GABRG3: variants seen among roughly 807,000 people sequenced by gnomAD.
The protein encoded by GABRG3 is gamma-aminobutyric acid receptor subunit gamma-3.
GABRG3 carries 25 observed loss-of-function variants against 48.8 expected under a neutral mutation model. The observed-to-expected ratio is 0.51, with a 90% CI of 0.37 to 0.72. The LOEUF is 0.72. Among genes scored for constraint, GABRG3 ranks in the 30% least tolerant of loss-of-function variants. The pLI is 0.00. For synonymous variants in GABRG3, 227 were observed against 217.6 expected (o/e 1.04, Z -0.38); for missense variants, 394 against 577.9 (o/e 0.68, Z 3.26).
At chr15:27,310,907 T>C (rs896717722) in intron 3 of GABRG3, among the ~76,000 whole-genome samples, 15 of 152,276 alleles carry the variant, frequency 9.9e-5, no homozygotes, top group African/African-American at 2.9e-4. Flanking sequence ...TTGGAGTAAT[T>C]GGATGCTCTT....
rs143152667 is a variant in GABRG3, at chr15:27,515,484, C to T, written c.713-4488C>T. ...GAAGAATAAGATGGAGAACATTAGGCTTTTTGGCTGAGCATTGCTTGCTAA... is the reference window on the plus strand; with the variant it reads ...GAAGAATAAGATGGAGAACATTAGGTTTTTTGGCTGAGCATTGCTTGCTAA... On this transcript the variant is annotated intron_variant, in intron 6 of 9. Coordinates refer to ENST00000615808, the MANE Select transcript of GABRG3 (RefSeq NM_033223.5). Among the ~76,000 whole-genome samples the T allele has an allele frequency of 1.3e-4, 20 of 152,242 alleles. No homozygotes were observed. The East Asian group carries it at 3.9e-3, about 29-fold the overall frequency.
intron 5 of GABRG3, chr15:27,362,759 C>T (rs1439230902): frequency 6.6e-6 from 1 of 152,144 alleles, no homozygotes; most frequent in African/African-American, 2.4e-5. Context: ...TTAAGTTATT[C>T]TCATGGCTTC....
chr15:27,376,225 G>A (rs1895590432), intron 5 of GABRG3, among the ~76,000 whole-genome samples: 1 of 152,236 alleles, frequency 6.6e-6, no homozygotes, highest in Non-Finnish European at 1.5e-5. Flanking sequence ...CATGGCTTGG[G>A]TGGTTCTGCC....
chr15:27,239,705 G>T (rs1388487288), intron 3 of GABRG3, among the ~76,000 whole-genome samples: 1 of 152,098 alleles, frequency 6.6e-6, no homozygotes, highest in Non-Finnish European at 1.5e-5. Context: ...ATGTATTTAG[G>T]TCTAAAGGAT....
rs1002520753 is a variant in GABRG3, at chr15:27,532,697, A to T, written c.1220A>T (p.Glu407Val). Residue 407 changes from glutamate (E) to valine (V), a missense_variant, in exon 10 of 10, where the codon GAG becomes GTG. This residue lies in a region of GABRG3 where 126 missense variants were observed against 155.5 expected (regional missense o/e 0.81). Coordinates refer to ENST00000615808, the MANE Select transcript of GABRG3 (RefSeq NM_033223.5). ...WQEFEDTCVY[E>V]CLDGKDCQSF... ...GAATTTGAAGATACCTGTGTCTATG[A>T]GTGTCTGGATGGCAAAGACTGTCAG... 2.5e-6 allele frequency: 4 copies of T among 1,613,978 alleles called. No homozygotes were observed. The Admixed American group carries it at 5.0e-5, about 20-fold the overall frequency.
chr15:27,075,264 C>T (rs1285237278), intron 3 of GABRG3, among the ~76,000 whole-genome samples: 1 of 152,096 alleles, frequency 6.6e-6, no homozygotes, highest in Non-Finnish European at 1.5e-5. Flanking sequence ...TAGGTTTATG[C>T]TAATTTTAAG....
intron 3 of GABRG3, among the ~76,000 whole-genome samples, chr15:27,125,270 A>G (rs751582861): frequency 1.3e-5 from 2 of 152,140 alleles, no homozygotes; most frequent in Admixed American, 6.5e-5. Context: ...GCATGGTCTC[A>G]CTTATATGTG....
chr15:27,297,756 A>C (rs1479135836), intron 3 of GABRG3, among the ~76,000 whole-genome samples: 7 of 152,178 alleles, frequency 4.6e-5, no homozygotes, highest in Admixed American at 4.6e-4. Flanking sequence ...TTAAAAACAT[A>C]GATTATATAA....
At chr15:27,190,354 C>T (rs1420304801) in intron 3 of GABRG3, among the ~76,000 whole-genome samples, 1 of 152,146 alleles carries the variant, frequency 6.6e-6, no homozygotes, top group East Asian at 1.9e-4. Flanking sequence ...TCCATCTGGT[C>T]CTGGACTCTT....
intron 6 of GABRG3, among the ~76,000 whole-genome samples, chr15:27,503,527 T>C (rs1171081917): frequency 1.3e-5 from 2 of 152,168 alleles, no homozygotes; most frequent in Admixed American, 6.5e-5. Flanking sequence ...TTCCCTTTTT[T>C]TCACTCAGCA....
intron 3 of GABRG3, among the ~76,000 whole-genome samples, chr15:27,057,821 A>G (rs1460549911): frequency 1.3e-5 from 2 of 152,214 alleles, no homozygotes; most frequent in African/African-American, 4.8e-5. Flanking sequence ...TACTTGCCTC[A>G]AAGAAGTCCC....
Position 27,535,924 on chromosome 15 carries a change from G to A in GABRG3, c.*3043G>A, listed in dbSNP as rs1331436076. 6.6e-6 allele frequency: 1 copy of A among 152,286 alleles called. No homozygotes were observed. Among genetic ancestry groups the A allele is most frequent in the African/African-American group, 2.4e-5 (1 of 41,468 alleles). The allele number at this position is 152,286 out of a possible 1,614,324, so 9.4% of individuals were successfully genotyped here. A position where few individuals can be genotyped will look rare whatever the true frequency, so the allele number is the denominator to read the frequency against. ...GATCAGGAGGGACGTGTGTGGGCAC[G>A]AGGTGCAAGGCTGTTCCACACAGCT... On this transcript the variant is annotated 3_prime_UTR_variant, in exon 10 of 10. Transcript: ENST00000615808.
chr15:27,132,386 G>A (rs1374875417), intron 3 of GABRG3, among the ~76,000 whole-genome samples: 1 of 148,264 alleles, frequency 6.7e-6, no homozygotes, highest in Non-Finnish European at 1.5e-5. Flanking sequence ...TTATTGAAGA[G>A]AATTCTCCTG....
chr15:27,439,205 T>C (rs1233006043), intron 5 of GABRG3, among the ~76,000 whole-genome samples: 2 of 152,254 alleles, frequency 1.3e-5, no homozygotes, highest in East Asian at 3.9e-4. Flanking sequence ...ATCATGGTAA[T>C]CACAATACTC....
intron 3 of GABRG3, among the ~76,000 whole-genome samples, chr15:27,098,919 A>G (rs1173910554): frequency 6.6e-6 from 1 of 152,128 alleles, no homozygotes; most frequent in Non-Finnish European, 1.5e-5. Context: ...CAGCACAGGA[A>G]AAGAAGAAGG....
intron 3 of GABRG3, among the ~76,000 whole-genome samples, chr15:27,034,754 T>C (rs967804595): frequency 2.0e-5 from 3 of 152,230 alleles, no homozygotes; most frequent in African/African-American, 7.2e-5. Flanking sequence ...GAGGCCCTTG[T>C]AAATATGTGT....
intron 5 of GABRG3, among the ~76,000 whole-genome samples, chr15:27,356,503 C>T (rs1049273578): frequency 3.9e-5 from 6 of 152,126 alleles, no homozygotes; most frequent in Non-Finnish European, 7.4e-5. Context: ...ATCTTTTCCC[C>T]AACATCTACA....
intron 3 of GABRG3, among the ~76,000 whole-genome samples, chr15:27,060,680 A>T (rs1896629650): frequency 6.6e-6 from 1 of 152,226 alleles, no homozygotes; most frequent in South Asian, 2.1e-4. Flanking sequence ...AGCAGGAGTC[A>T]CGTCTAAGTG....
chr15:27,537,735 C>G lies in GABRG3; in HGVS notation c.*4854C>G, dbSNP rs1293674860. The G allele has an allele frequency of 2.0e-5, 3 of 151,832 alleles. No homozygotes were observed. Among genetic ancestry groups the G allele is most frequent in the Non-Finnish European group, 4.4e-5 (3 of 67,942 alleles). The allele number at this position is 151,832 out of a possible 1,614,324, so 9.4% of individuals were successfully genotyped here. A position where few individuals can be genotyped will look rare whatever the true frequency, so the allele number is the denominator to read the frequency against. Reference sequence around the variant, plus strand: ...CTCCTTTTAAAATTTCTACTGATTACAAGCTAGCAATTTCAGGATATCAGC... The same window carrying G: ...CTCCTTTTAAAATTTCTACTGATTAGAAGCTAGCAATTTCAGGATATCAGC... On this transcript the variant is annotated 3_prime_UTR_variant, in exon 10 of 10. Transcript: ENST00000615808.
Sources: allele counts gnomAD v4.1 joint callset (sites outside exome capture counted in the v4.1 genomes callset), GRCh38; gene constraint gnomAD v4.1.1; regional missense constraint gnomAD v4.1.1; transcripts MANE v1.5; gene names NCBI Gene and HGNC (gene_info 2026-07-23, HGNC 2026-07-21).